The following CCDC124 variants were observed in gnomAD, a reference collection of about 807,000 sequenced individuals.
The protein encoded by CCDC124 is coiled-coil domain containing 124.
A neutral mutation model predicts 19.8 loss-of-function variants in CCDC124; 9 were observed. That is an observed-to-expected ratio of 0.45 (90% CI 0.27 to 0.79). CCDC124 has a LOEUF of 0.79. Among genes scored for constraint, CCDC124 ranks in the 30% least tolerant of loss-of-function variants. CCDC124 has a pLI of 0.14. For synonymous variants in CCDC124, 126 were observed against 131.3 expected, an observed-to-expected ratio of 0.96 and a Z score of 0.27; for missense variants, 285 against 319.0, an observed-to-expected ratio of 0.89 and a Z score of 0.81.
In CCDC124 at chr19:17,942,735, A is replaced by C; in HGVS notation, c.239A>C (p.Lys80Thr). ...CGCCTACTGGAGGAGGAGGACTCCA[A>C]GCTCAAGGGCGGCAAGGCGCCGCGG... is the stretch of plus-strand genomic sequence containing the variant. Reference protein sequence around the residue: ...TQRLLEEEDSKLKGGKAPRVA... With the variant: ...TQRLLEEEDSTLKGGKAPRVA... Residue 80 changes from lysine to threonine, a missense_variant, in exon 3 of 5, where the codon AAG becomes ACG. Coordinates refer to ENST00000445755, the MANE Select transcript of CCDC124 (RefSeq NM_001136203.2). This position sits in a 1 kb window ranked among gnomAD's most constrained non-coding sequence, Gnocchi z 4.2. The C allele has an allele frequency of 6.4e-7, 1 of 1,550,962 alleles. No individual in the cohort carries two copies. The highest frequency in any genetic ancestry group is 2.4e-5 in the East Asian group (1 of 41,374).
In CCDC124 at chr19:17,936,593, G is replaced by A. The variant is rs368631690; in HGVS notation, c.159+14G>A. On this transcript the variant is annotated intron_variant, in intron 2 of 4. Coordinates refer to ENST00000445755, the MANE Select transcript of CCDC124 (RefSeq NM_001136203.2). The stretch of plus-strand genomic sequence containing the variant: ...GAGCAGCGCAAGGTGCGTGCACTCC[G>A]AGTCCCCGCGGCCCGCATGCCTTGT... The A allele has an allele frequency of 6.0e-5, 96 of 1,606,388 alleles. No individual in the cohort carries two copies. The highest frequency in any genetic ancestry group is 2.5e-4 in the East Asian group (11 of 44,636).
In CCDC124 at chr19:17,936,444, G is replaced by T. The variant is rs775355510; in HGVS notation, c.24G>T (p.Glu8Asp). 90 of 1,613,296 alleles carry T rather than the reference G, an allele frequency of 5.6e-5. No individual in the cohort carries two copies. The highest frequency in any genetic ancestry group is 7.4e-5 in the Non-Finnish European group (87 of 1,179,800). Residue 8 changes from glutamate (E) to aspartate (D), a missense_variant, in exon 2 of 5, where the codon GAG (glutamate) becomes GAT (aspartate). Transcript: ENST00000445755. MPKKFQGENTKSAAARAR... is the reference protein window; with the variant it reads MPKKFQGDNTKSAAARAR... ...GGATGCCCAAGAAGTTCCAGGGTGA[G>T]AACACCAAGTCGGCAGCGGCCCGGG...
At chr19:17,936,279 GC>G (rs1483062696) in intron 1 of CCDC124, 130 bp from the exon 2 acceptor site, 1 of 735,146 alleles carries the variant, frequency 1.4e-6, no homozygotes, top group African/African-American at 1.8e-5. Flanking sequence ...TAAGTCCAAA[GC>G]CCTTGTTTTA....
chr19:17,935,826 G>C (rs1362970615), intron 1 of CCDC124, among the ~76,000 whole-genome samples: 1 of 152,144 alleles, frequency 6.6e-6, no homozygotes, highest in African/African-American at 2.4e-5. Flanking sequence ...CAGGTGATCC[G>C]CCCACCTTGG....
At position 17,943,243 on chromosome 19, in the gene CCDC124, A is replaced by ACACCC; in HGVS notation, c.350-17_350-16insACCCC. On this transcript the variant is annotated splice_polypyrimidine_tract_variant and intron_variant, in intron 3 of 4. Transcript: ENST00000445755. Reference sequence around the variant, plus strand: ...TTGCTTATCTCTCTCTGTCTCTGTCACCCACCCACCCGCCCAGCCGAGAAA... The same window carrying ACACCC: ...TTGCTTATCTCTCTCTGTCTCTGTCACACCCCCCACCCACCCGCCCAGCCGAGAAA... 94 of 430,532 alleles carry ACACCC rather than the reference A, an allele frequency of 2.2e-4. No homozygotes were observed. Among genetic ancestry groups the ACACCC allele is most frequent in the Admixed American group, 5.3e-4 (20 of 37,942 alleles). 26.7% of individuals were successfully genotyped at this position (430,532 alleles called of 1,614,324 possible).
chr19:17,943,503 C>G lies in CCDC124; in HGVS notation c.465-5C>G, dbSNP rs1392919555. The G allele has an allele frequency of 6.2e-7, 1 of 1,609,646 alleles. No individual in the cohort carries two copies. The highest frequency in any genetic ancestry group is 2.2e-5 in the East Asian group (1 of 44,864). Reference sequence around the variant, plus strand: ...AGGCCCCCTGACGCTCATGTCCACCCCCAGCGTGGCGGAGGAGGCGGCCGA... The same window carrying G: ...AGGCCCCCTGACGCTCATGTCCACCGCCAGCGTGGCGGAGGAGGCGGCCGA... On this transcript the variant is annotated splice_region_variant and splice_polypyrimidine_tract_variant and intron_variant, in intron 4 of 4. Coordinates refer to ENST00000445755, the MANE Select transcript of CCDC124 (RefSeq NM_001136203.2).
intron 2 of CCDC124, among the ~76,000 whole-genome samples, chr19:17,941,004 G>A (rs1441707614): frequency 2.0e-5 from 3 of 149,914 alleles, no homozygotes; most frequent in Non-Finnish European, 3.0e-5. Context: ...CCGAGATGGC[G>A]CCACTGCACT....
chr19:17,938,421 T>G (rs1599964504), intron 2 of CCDC124, among the ~76,000 whole-genome samples: 1 of 152,278 alleles, frequency 6.6e-6, no homozygotes, highest in Non-Finnish European at 1.5e-5. Context: ...CTGACCTGCT[T>G]GGCCCAGTAG....
intron 2 of CCDC124, among the ~76,000 whole-genome samples, chr19:17,940,308 T>G (rs12979355): frequency 6.6e-6 from 1 of 152,044 alleles, no homozygotes; most frequent in African/African-American, 2.4e-5. Flanking sequence ...ATTGCATGCA[T>G]CCGGGACAAG....
chr19:17,943,402 C>T, intron 4 of CCDC124, 27 bp downstream of exon 4: 1 of 1,558,168 alleles, frequency 6.4e-7, no homozygotes, highest in South Asian at 1.2e-5. Context: ...TGGGGCTTTC[C>T]CAGGGGTGGA....
chr19:17,942,718 G>A lies in CCDC124; in HGVS notation c.222G>A (p.Leu74=), dbSNP rs1424616758. 2 of 1,552,212 alleles carry A rather than the reference G, an allele frequency of 1.3e-6. No individual in the cohort carries two copies. The highest frequency in any genetic ancestry group is 1.7e-6 in the Non-Finnish European group (2 of 1,148,034). ...GTAAGAAGGAGACGCAGCGCCTACT[G>A]GAGGAGGAGGACTCCAAGCTCAAGG... The part of the protein sequence containing the change: ...LERKKETQRL[L]EEEDSKLKGG... Residue 74 remains leucine (L), a synonymous_variant, in exon 3 of 5, where the codon CTG becomes CTA. Transcript: ENST00000445755. This position sits in a 1 kb window ranked among gnomAD's most constrained non-coding sequence, Gnocchi z 4.2.
Position 17,943,613 on chromosome 19 carries a change from C to G in CCDC124, c.570C>G (p.Asn190Lys), listed in dbSNP as rs146510396. 6.2e-7 allele frequency: 1 copy of G among 1,612,892 alleles called. No homozygotes were observed. Among genetic ancestry groups the G allele is most frequent in the African/African-American group, 1.3e-5 (1 of 74,940 alleles). The change falls in exon 5 of 5, where the codon AAC becomes AAG. Residue 190 changes from asparagine (N) to lysine (K), a missense_variant. Physicochemically the swap from Asn to Lys is moderately conservative, Grantham distance 94. Transcript: ENST00000445755. The part of the protein sequence containing the change: ...QLPRLKQENP[N>K]MRLSQLKQLL... The stretch of plus-strand genomic sequence containing the variant: ...CGCGGCTCAAACAAGAGAACCCCAA[C>G]ATGCGGCTGTCGCAGCTGAAACAGC...
chr19:17,934,764 C>CA (rs2031023637), intron 1 of CCDC124, among the ~76,000 whole-genome samples: 1 of 152,108 alleles, frequency 6.6e-6, no homozygotes, highest in Admixed American at 6.6e-5. Context: ...GCCTGGGCGA[C>CA]AGAGTGAGAC....
At position 17,941,979 on chromosome 19, in the gene CCDC124, C is replaced by T. The variant is rs151156933; in HGVS notation, c.160-677C>T. Among the ~76,000 whole-genome samples, 1,111 of 152,212 alleles carry T rather than the reference C, an allele frequency of 7.3e-3. 45 individuals carry two copies. Among genetic ancestry groups the T allele is most frequent in the Admixed American group, 0.059 (905 of 15,294 alleles). ...GCTTCCAGCAGCACTGCATATAAAC[C>T]GTGGGCTTGCTCGGCCCCCTGGGGT... On this transcript the variant is annotated intron_variant, in intron 2 of 4. Coordinates refer to ENST00000445755, the MANE Select transcript of CCDC124 (RefSeq NM_001136203.2).
intron 1 of CCDC124, among the ~76,000 whole-genome samples, chr19:17,933,783 G>C (rs569976313): frequency 6.6e-6 from 1 of 152,160 alleles, no homozygotes. Context: ...CCCTCTCCGG[G>C]CTTCCCCGGC....
chr19:17,937,608 C>T (rs190143232), intron 2 of CCDC124, among the ~76,000 whole-genome samples: 7 of 152,202 alleles, frequency 4.6e-5, no homozygotes, highest in East Asian at 1.9e-4. Context: ...ATGCACAGGA[C>T]GCCCCCACAG....
rs143363441 is a variant in CCDC124, at chr19:17,943,700, C to T, written c.657C>T (p.Phe219=). 1.2e-6 allele frequency: 2 copies of T among 1,612,560 alleles called. No homozygotes were observed. The highest frequency in any genetic ancestry group is 1.7e-6 in the Non-Finnish European group (2 of 1,179,874). The part of the protein sequence containing the change: ...DNPMNQRAVP[F]NAPK ...CCATGAACCAGCGGGCCGTGCCCTT[C>T]AATGCCCCCAAGTGAGCCCAGAACT... Residue 219 remains phenylalanine, a synonymous_variant, in exon 5 of 5, where the codon TTC becomes TTT. Transcript: ENST00000445755.
Position 17,935,425 on chromosome 19 carries a change from CTTT to C in CCDC124, c.-11-974_-11-972del, listed in dbSNP as rs990711613. On this transcript the variant is annotated intron_variant, in intron 1 of 4. Coordinates refer to ENST00000445755, the MANE Select transcript of CCDC124 (RefSeq NM_001136203.2). ...TATACTTAAACACTGAATTGTACAC[CTTT>C]TTTTTTTTTTGAGATGGAGTCTCGC... Among the ~76,000 whole-genome samples, 51 of 147,278 alleles carry C rather than the reference CTTT, an allele frequency of 3.5e-4. 1 individual carries two copies. Among genetic ancestry groups the C allele is most frequent in the Non-Finnish European group, 2.1e-4 (14 of 66,562 alleles).
chr19:17,943,241 T>TCGGGGCCCCCCCC lies in CCDC124; in HGVS notation c.350-19_350-18insGGGGCCCCCCCCC. The stretch of plus-strand genomic sequence containing the variant: ...CTTTGCTTATCTCTCTCTGTCTCTG[T>TCGGGGCCCCCCCC]CACCCACCCACCCGCCCAGCCGAGA... On this transcript the variant is annotated intron_variant, in intron 3 of 4. Coordinates refer to ENST00000445755, the MANE Select transcript of CCDC124 (RefSeq NM_001136203.2). The TCGGGGCCCCCCCC allele has an allele frequency of 1.4e-6, 1 of 736,676 alleles. No individual in the cohort carries two copies. Among genetic ancestry groups the TCGGGGCCCCCCCC allele is most frequent in the Non-Finnish European group, 2.4e-6 (1 of 414,970 alleles). The allele number at this position is 736,676 out of a possible 1,614,324, so 45.6% of individuals were successfully genotyped here.
Sources: allele counts gnomAD v4.1 joint callset (sites outside exome capture counted in the v4.1 genomes callset), GRCh38; gene constraint gnomAD v4.1.1; non-coding constraint Gnocchi (gnomAD v3.1); transcripts MANE v1.5; gene names NCBI Gene and HGNC (gene_info 2026-07-23, HGNC 2026-07-21).